Variants in THAP3 observed in about 807,000 individuals in gnomAD.
THAP3 encodes THAP domain-containing protein 3.
THAP3 carries 12 observed loss-of-function variants against 17.7 expected under a neutral mutation model. That is an observed-to-expected ratio of 0.68 (90% CI 0.43 to 1.10). The LOEUF is 1.10. THAP3 is among the 50% of genes least tolerant of loss of function. The pLI is 0.00. For missense variants in THAP3, 289 were observed against 318.0 expected (o/e 0.91, Z 0.69); for synonymous variants, 133 against 126.9 (o/e 1.05, Z -0.32).
intron 2 of THAP3, among the ~76,000 whole-genome samples, chr1:6,627,086 G>A (rs12070790): frequency 0.021 from 3,136 of 152,272 alleles, 95 homozygotes; most frequent in African/African-American, 0.061. Flanking sequence ...CACTTTTCCC[G>A]CATGGCGTCT....
At chr1:6,625,035 C>T (rs1229234613) in intron 1 of THAP3, 81 bp downstream of exon 1, 4 of 621,112 alleles carry the variant, frequency 6.4e-6, no homozygotes, top group Non-Finnish European at 1.1e-5. Context: ...TACGTGGCGC[C>T]CCGGGTCCCG....
intron 4 of THAP3, among the ~76,000 whole-genome samples, chr1:6,632,058 A>AG (rs1212912081): frequency 1.3e-5 from 2 of 151,200 alleles, no homozygotes; most frequent in East Asian, 3.9e-4. Flanking sequence ...AAAAAAAAAA[A>AG]AAAAAAATTT....
In THAP3 at chr1:6,625,071, C is replaced by G. The variant is rs1171050008; in HGVS notation, c.-69-79C>G. The G allele has an allele frequency of 1.4e-5, 12 of 870,630 alleles. No homozygotes were observed. The East Asian group carries it at 3.1e-4, about 23-fold the overall frequency. The allele number at this position is 870,630 out of a possible 1,614,324, so 53.9% of individuals were successfully genotyped here. A position where few individuals can be genotyped will look rare whatever the true frequency, so the allele number is the denominator to read the frequency against. ...TCCGACCCTGGGGAGACGCGGGTGG[C>G]TGGGATGGCAGGATGAGCGCGCCCT... On this transcript the variant is annotated intron_variant, in intron 1 of 5. Coordinates refer to ENST00000054650, the MANE Select transcript of THAP3 (RefSeq NM_001195753.2).
chr1:6,634,849 C>G, downstream of THAP3: 1 of 1,234,954 alleles, frequency 8.1e-7, no homozygotes, highest in South Asian at 1.4e-5. Flanking sequence ...TGATGTCTTG[C>G]CAAGCGCCTG....
chr1:6,630,418 G>T, intron 4 of THAP3, 65 bp downstream of exon 4: 1 of 1,555,582 alleles, frequency 6.4e-7, no homozygotes, highest in Non-Finnish European at 8.9e-7. Context: ...AGGGAGGTGG[G>T]ATTTTCCCAG....
chr1:6,629,125 C>G (rs891712301), intron 3 of THAP3, among the ~76,000 whole-genome samples: 2 of 152,130 alleles, frequency 1.3e-5, no homozygotes, highest in Non-Finnish European at 2.9e-5. Context: ...TCTCTTGAAC[C>G]GGGAGGCAGA....
At chr1:6,630,094 T>C (rs1328218349) in intron 3 of THAP3, among the ~76,000 whole-genome samples, 194 bp from the exon 4 acceptor site, 1 of 152,240 alleles carries the variant, frequency 6.6e-6, no homozygotes, top group Non-Finnish European at 1.5e-5. Context: ...TTTGAGGACA[T>C]CTTTGGAGAA....
At chr1:6,626,618 A>G (rs1292963810) in intron 2 of THAP3, among the ~76,000 whole-genome samples, 2 of 152,172 alleles carry the variant, frequency 1.3e-5, no homozygotes, top group Admixed American at 6.5e-5. Context: ...TGGGTGGATC[A>G]CCTGAGGTCA....
intron 3 of THAP3, among the ~76,000 whole-genome samples, chr1:6,629,015 A>G (rs1641538114): frequency 6.6e-6 from 1 of 152,248 alleles, no homozygotes; most frequent in Non-Finnish European, 1.5e-5. Flanking sequence ...CAGCCCAGCC[A>G]ACATGTTGAA....
At chr1:6,633,909 TC>T, downstream of THAP3, 1 of 961,298 alleles carries the variant, frequency 1.0e-6, no homozygotes, top group South Asian at 1.5e-5. Flanking sequence ...AGAGCGAGAC[TC>T]AGTCTGAAAA....
chr1:6,624,925 G>A lies in THAP3; in HGVS notation c.-99G>A. 1 of 456,060 alleles carries A rather than the reference G, an allele frequency of 2.2e-6. No homozygotes were observed. Among genetic ancestry groups the A allele is most frequent in the East Asian group, 4.5e-5 (1 of 22,030 alleles). The allele number at this position is 456,060 out of a possible 1,614,324, so 28.3% of individuals were successfully genotyped here. The stretch of plus-strand genomic sequence containing the variant: ...CCTGGTTGGGTGCTCAAAGCAAGGA[G>A]GTGAAAGGCGACCAGCATTGGCGAA... On this transcript the variant is annotated 5_prime_UTR_variant, in exon 1 of 6. Coordinates refer to ENST00000054650, the MANE Select transcript of THAP3 (RefSeq NM_001195753.2).
rs1281000878 is a variant in THAP3, at chr1:6,633,334, G to A, written c.*257G>A. ...ATCCTCCCATGGTAACAGAAGTCCA[G>A]GCTGAGGCTGATTCTGGACGCTGTC... On this transcript the variant is annotated 3_prime_UTR_variant, in exon 6 of 6. Transcript: ENST00000054650. The A allele has an allele frequency of 3.1e-5, 42 of 1,371,032 alleles. No homozygotes were observed. The highest frequency in any genetic ancestry group is 9.1e-5 in the Admixed American group (3 of 32,794). The allele number at this position is 1,371,032 out of a possible 1,614,324, so 84.9% of individuals were successfully genotyped here.
chr1:6,632,093 G>C (rs1034666716), intron 4 of THAP3, among the ~76,000 whole-genome samples: 18 of 150,622 alleles, frequency 1.2e-4, no homozygotes, highest in African/African-American at 3.2e-4. Flanking sequence ...GCACATGCTT[G>C]TAATTCTAGC....
chr1:6,635,557 C>T (rs1641747455), downstream of THAP3: 2 of 1,121,412 alleles, frequency 1.8e-6, no homozygotes, highest in South Asian at 1.5e-5. Context: ...ATGGTACCAC[C>T]TTCTATAATA....
At chr1:6,631,237 A>G (rs996076714) in intron 4 of THAP3, among the ~76,000 whole-genome samples, 7 of 149,884 alleles carry the variant, frequency 4.7e-5, no homozygotes, top group African/African-American at 1.7e-4. Context: ...GTCTGGTCTC[A>G]AACTCTTGGA....
At chr1:6,632,046 CAAAAAAAAAA>C (rs35349874) in intron 4 of THAP3, among the ~76,000 whole-genome samples, 41 of 111,398 alleles carry the variant, frequency 3.7e-4, no homozygotes, top group African/African-American at 1.4e-3. Flanking sequence ...GATTCCGTCT[CAAAAAAAAAA>C]AAAAAAAAAT....
downstream of THAP3, chr1:6,634,048 C>T (rs771458645): frequency 6.2e-7 from 1 of 1,613,776 alleles, no homozygotes; most frequent in Non-Finnish European, 8.5e-7. Context: ...GAAAATGGAA[C>T]CCCAGCTTCA....
chr1:6,634,217 C>G, downstream of THAP3: 1 of 965,670 alleles, frequency 1.0e-6, no homozygotes, highest in Non-Finnish European at 1.6e-6. Flanking sequence ...GTACAGTCGA[C>G]TGCAAATGAA....
intron 3 of THAP3, 103 bp downstream of exon 3, chr1:6,628,794 C>T: frequency 8.3e-7 from 1 of 1,206,870 alleles, no homozygotes; most frequent in African/African-American, 1.5e-5. Flanking sequence ...AAGCCAAGGC[C>T]AAGAACTCCA....
Sources: allele counts gnomAD v4.1 joint callset (sites outside exome capture counted in the v4.1 genomes callset), GRCh38; gene constraint gnomAD v4.1.1; transcripts MANE v1.5; gene names NCBI Gene and HGNC (gene_info 2026-07-23, HGNC 2026-07-21).